The following BCL2L11 variants were observed in gnomAD, a reference collection of about 807,000 sequenced individuals.
The protein encoded by BCL2L11 is bcl-2-like protein 11.
BCL2L11 carries 15 observed loss-of-function variants against 20.6 expected under a neutral mutation model. The ratio of observed to expected loss-of-function variants is 0.73; its 90% CI spans 0.49 to 1.12. The LOEUF (loss-of-function observed/expected upper bound fraction) is 1.12. BCL2L11 is among the 50% of genes most tolerant of loss of function. The pLI is 0.00. For missense variants in BCL2L11, 292 were observed against 260.9 expected, an observed-to-expected ratio of 1.12 and a Z score of -0.82; for synonymous variants, 108 against 92.8, an observed-to-expected ratio of 1.16 and a Z score of -0.94.
At chr2:111,124,233 C>T (rs72948328) in intron 2 of BCL2L11, 94 bp downstream of exon 2, 94,329 of 1,357,314 alleles carry the variant, frequency 0.069, 4,564 homozygotes, top group African/African-American at 0.22. Flanking sequence ...TTTAAAACCC[C>T]GTAACTGATT....
At chr2:111,149,830 T>C (rs562390110) in intron 2 of BCL2L11, among the ~76,000 whole-genome samples, 24 of 152,354 alleles carry the variant, frequency 1.6e-4, no homozygotes, top group African/African-American at 5.8e-4. Flanking sequence ...AAAAAGGAAA[T>C]TTTATTCTAT....
rs376601744 is a variant in BCL2L11 at position 111,141,988 on chromosome 2, A to C, written c.395-8056A>C. ...AGTGCTAGGATTACAGGCGTGAGCC[A>C]CTGCACCCGACCAGAACAATCCCAA... On this transcript the variant is annotated intron_variant, in intron 2 of 3. Coordinates refer to ENST00000393256, the MANE Select transcript of BCL2L11 (RefSeq NM_138621.5). Among the ~76,000 whole-genome samples the C allele has an allele frequency of 7.2e-5, 11 of 152,328 alleles. No individual in the cohort carries two copies. The East Asian group carries it at 1.3e-3, about 19-fold the overall frequency.
intron 1 of BCL2L11, chr2:111,122,671 CGGCCGGGGCAGCGCG>C: frequency 4.1e-6 from 4 of 983,044 alleles, no homozygotes; most frequent in Non-Finnish European, 4.8e-6. Flanking sequence ...CCGGCGGCTG[CGGCCGGGGCAGCGCG>C]GGCCAGAGGC....
intron 2 of BCL2L11, among the ~76,000 whole-genome samples, chr2:111,148,623 G>C (rs1474641495): frequency 1.3e-5 from 2 of 152,158 alleles, no homozygotes; most frequent in Non-Finnish European, 2.9e-5. Context: ...CCCTTCATCA[G>C]CCTTTGTGCT....
At chr2:111,145,740 C>G (rs2150446897) in intron 2 of BCL2L11, among the ~76,000 whole-genome samples, 1 of 152,260 alleles carries the variant, frequency 6.6e-6, no homozygotes, top group Non-Finnish European at 1.5e-5. Context: ...GCCCTCCACA[C>G]TCCTCCAAAA....
chr2:111,134,125 C>T (rs1221605709), intron 2 of BCL2L11, among the ~76,000 whole-genome samples: 1 of 151,362 alleles, frequency 6.6e-6, no homozygotes, highest in Non-Finnish European at 1.5e-5. Context: ...CTAGTCTGCC[C>T]AATCTGTCTC....
intron 2 of BCL2L11, chr2:111,145,920 C>CTTTT (rs58738963): frequency 8.9e-5 from 65 of 733,710 alleles, no homozygotes; most frequent in East Asian, 2.9e-4. Flanking sequence ...TAGTGGCTTT[C>CTTTT]TTTTTTTTTT....
At chr2:111,143,137 C>A (rs1284163367) in intron 2 of BCL2L11, among the ~76,000 whole-genome samples, 2 of 152,146 alleles carry the variant, frequency 1.3e-5, no homozygotes. Context: ...AGGTCAGATA[C>A]TTTTAATCCC....
At position 111,166,223 on chromosome 2, in the gene BCL2L11, G is replaced by A. The variant is rs1488336224; in HGVS notation, c.*1992G>A. On this transcript the variant is annotated 3_prime_UTR_variant, in exon 4 of 4. Coordinates refer to ENST00000393256, the MANE Select transcript of BCL2L11 (RefSeq NM_138621.5). ...CCCTGTACTCACGTGCCAGTCTCCTGACTAGAGCACTTTACTCTGTTTCCT... is the reference window on the plus strand; with the variant it reads ...CCCTGTACTCACGTGCCAGTCTCCTAACTAGAGCACTTTACTCTGTTTCCT... 6.5e-6 allele frequency: 1 copy of A among 152,772 alleles called. No individual in the cohort carries two copies. The highest frequency in any genetic ancestry group is 2.4e-5 in the African/African-American group (1 of 41,468). The allele number at this position is 152,772 out of a possible 1,614,324, so 9.5% of individuals were successfully genotyped here.
chr2:111,123,917 G>T lies in BCL2L11; in HGVS notation c.172G>T (p.Gly58Cys). Reference protein sequence around the residue: ...HGGEGDSCPHGSPQGPLAPPA... With the variant: ...HGGEGDSCPHCSPQGPLAPPA... ...AGGTGAAGGGGACAGCTGCCCCCAC[G>T]GCAGCCCTCAGGGCCCGCTGGCCCC... Residue 58 changes from glycine to cysteine, a missense_variant, in exon 2 of 4, where the codon GGC (glycine) becomes TGC (cysteine). Gly to Cys is a radical substitution (Grantham distance 159). Transcript: ENST00000393256. 6.2e-7 allele frequency: 1 copy of T among 1,613,464 alleles called. No homozygotes were observed. The highest frequency in any genetic ancestry group is 8.5e-7 in the Non-Finnish European group (1 of 1,179,692).
chr2:111,143,238 T>G (rs937713659), intron 2 of BCL2L11, among the ~76,000 whole-genome samples: 2 of 152,172 alleles, frequency 1.3e-5, no homozygotes, highest in South Asian at 4.1e-4. Flanking sequence ...TAAGGAGTAG[T>G]AGCAGTATTC....
intron 2 of BCL2L11, among the ~76,000 whole-genome samples, chr2:111,134,004 T>C (rs2074413087): frequency 6.6e-6 from 1 of 152,186 alleles, no homozygotes; most frequent in Non-Finnish European, 1.5e-5. Flanking sequence ...CATTAATGTA[T>C]TAATGTTAAC....
At chr2:111,149,034 C>T (rs545644746) in intron 2 of BCL2L11, among the ~76,000 whole-genome samples, 2 of 152,256 alleles carry the variant, frequency 1.3e-5, no homozygotes, top group East Asian at 1.9e-4. Flanking sequence ...ATTGTGAGTA[C>T]GGTGTGCCCA....
chr2:111,139,130 G>T (rs2075392176), intron 2 of BCL2L11, among the ~76,000 whole-genome samples: 1 of 152,140 alleles, frequency 6.6e-6, no homozygotes, highest in African/African-American at 2.4e-5. Context: ...AAGCAAAAAA[G>T]AACATCTTTT....
At chr2:111,137,490 T>G (rs1212146743) in intron 2 of BCL2L11, among the ~76,000 whole-genome samples, 1 of 152,242 alleles carries the variant, frequency 6.6e-6, no homozygotes, top group Admixed American at 6.5e-5. Flanking sequence ...GACCTCAGAC[T>G]GCTTTCCTTC....
rs377424906 is a variant in BCL2L11, at chr2:111,151,825, G to A, written c.498+1678G>A. 5.2e-6 allele frequency: 8 copies of A among 1,545,732 alleles called. No individual in the cohort carries two copies. In the East Asian group the frequency reaches 1.7e-4, roughly 33 times the overall value. On this transcript the variant is annotated intron_variant, in intron 3 of 3. Transcript: ENST00000393256. ...TTTCTTAAAATACTGTCTTAAGCTG[G>A]CAAAACTCCTGGCATCCTCCACCTG...
At chr2:111,161,964 C>T (rs2078612794) in intron 3 of BCL2L11, among the ~76,000 whole-genome samples, 1 of 152,218 alleles carries the variant, frequency 6.6e-6, no homozygotes, top group African/African-American at 2.4e-5. Context: ...AGTCCTAGTT[C>T]TGCGTCTTTG....
intron 2 of BCL2L11, among the ~76,000 whole-genome samples, chr2:111,124,411 C>T (rs1171732280): frequency 1.3e-5 from 2 of 152,092 alleles, no homozygotes; most frequent in African/African-American, 4.8e-5. Flanking sequence ...CTACCTCAGC[C>T]TCCAGAGTAG....
At chr2:111,145,021 C>A (rs1203818832) in intron 2 of BCL2L11, among the ~76,000 whole-genome samples, 1 of 152,146 alleles carries the variant, frequency 6.6e-6, no homozygotes, top group East Asian at 1.9e-4. Context: ...AGTTGAATAT[C>A]GATTCAAAGC....
Sources: gnomAD v4.1 joint callset for allele counts (sites outside exome capture counted in the v4.1 genomes callset) on GRCh38, gnomAD v4.1.1 for gene constraint, MANE v1.5 for transcripts, NCBI Gene and HGNC (gene_info 2026-07-23, HGNC 2026-07-21) for gene names.